The following VNN1 variants were observed in gnomAD, a reference collection of about 807,000 sequenced individuals.
VNN1 encodes the protein vanin 1.
VNN1 carries 29 observed loss-of-function variants against 41.9 expected under a neutral mutation model. The observed-to-expected ratio is 0.69, with a 90% CI of 0.52 to 0.94. The LOEUF is 0.94. Among genes scored for constraint, VNN1 ranks in the 40% least tolerant of loss-of-function variants. VNN1 has a pLI of 0.00. For synonymous variants in VNN1, 233 were observed against 224.4 expected (o/e 1.04, Z -0.34); for missense variants, 637 against 621.1 (o/e 1.03, Z -0.27).
chr6:132,685,393 G>A (rs952488713), intron 5 of VNN1, among the ~76,000 whole-genome samples: 3 of 152,202 alleles, frequency 2.0e-5, no homozygotes, highest in African/African-American at 7.2e-5. Flanking sequence ...TTTGCAGGTG[G>A]AAAGTAATCA....
At position 132,685,111 on chromosome 6, in the gene VNN1, G is replaced by A. The variant is rs1582766453; in HGVS notation, c.1189-606C>T. 2.6e-5 allele frequency among the ~76,000 whole-genome samples: 4 copies of A among 152,326 alleles called. No individual in the cohort carries two copies. In the South Asian group the frequency reaches 8.3e-4, roughly 32 times the overall value. On this transcript the variant is annotated intron_variant, in intron 5 of 6. Coordinates refer to ENST00000367928, the MANE Select transcript of VNN1 (RefSeq NM_004666.3). ...CTTCAGAGTTGTAATGAGCCCTAGA[G>A]TTGACCTAGAGGCAACCCCTGTAAT...
At chr6:132,686,790 AG>A (rs1160186682) in intron 5 of VNN1, among the ~76,000 whole-genome samples, 1 of 152,184 alleles carries the variant, frequency 6.6e-6, no homozygotes, top group Admixed American at 6.5e-5. Flanking sequence ...TGAAGGAAGC[AG>A]GGGGGAGGAG....
intron 2 of VNN1, among the ~76,000 whole-genome samples, chr6:132,700,920 A>G (rs1778441040): frequency 6.6e-6 from 1 of 152,332 alleles, no homozygotes; most frequent in East Asian, 1.9e-4. Flanking sequence ...TATAGATTCC[A>G]TAATGGTATA....
chr6:132,697,067 T>G (rs1247000391), intron 2 of VNN1, among the ~76,000 whole-genome samples: 1 of 151,702 alleles, frequency 6.6e-6, no homozygotes, highest in Non-Finnish European at 1.5e-5. Flanking sequence ...ATTGCGCCCC[T>G]GCACTCCAGC....
At chr6:132,689,230 A>G (rs1488734397) in intron 5 of VNN1, among the ~76,000 whole-genome samples, 5 of 152,058 alleles carry the variant, frequency 3.3e-5, no homozygotes, top group South Asian at 2.1e-4. Context: ...TCTTTCTCTT[A>G]GACCTACAAA....
At chr6:132,711,541 C>T (rs1020324701) in intron 2 of VNN1, among the ~76,000 whole-genome samples, 168 bp downstream of exon 2, 1 of 152,176 alleles carries the variant, frequency 6.6e-6, no homozygotes, top group East Asian at 1.9e-4. Flanking sequence ...TCTGTGACTT[C>T]ATAATTCATA....
chr6:132,686,267 G>A (rs1164049125), intron 5 of VNN1, among the ~76,000 whole-genome samples: 7 of 152,056 alleles, frequency 4.6e-5, no homozygotes, highest in African/African-American at 1.7e-4. Flanking sequence ...GCCAACATGG[G>A]GAAACCCCAT....
At chr6:132,712,725 G>C in intron 1 of VNN1, among the ~76,000 whole-genome samples, 1 of 152,134 alleles carries the variant, frequency 6.6e-6, no homozygotes. Flanking sequence ...GAGCTAACCT[G>C]GGCACCTTCC....
intron 2 of VNN1, among the ~76,000 whole-genome samples, chr6:132,708,715 T>C (rs939129609): frequency 6.6e-6 from 1 of 152,194 alleles, no homozygotes; most frequent in Non-Finnish European, 1.5e-5. Flanking sequence ...CCTAAACTTC[T>C]ACCATTTCTT....
chr6:132,700,516 C>T (rs538218049), intron 2 of VNN1, among the ~76,000 whole-genome samples: 9 of 152,238 alleles, frequency 5.9e-5, no homozygotes, highest in African/African-American at 2.2e-4. Context: ...TGGCTATCCC[C>T]ACTGCTTCCC....
At chr6:132,684,608 A>G in intron 5 of VNN1, 103 bp from the exon 6 acceptor site, 1 of 1,015,704 alleles carries the variant, frequency 9.8e-7, no homozygotes, top group East Asian at 2.6e-5. Context: ...TCAAAACGTC[A>G]CATCATACAC....
intron 2 of VNN1, chr6:132,698,801 C>T (rs571140985): frequency 1.0e-4 from 23 of 219,426 alleles, no homozygotes; most frequent in Middle Eastern, 2.6e-3. Flanking sequence ...GGTACTGAAA[C>T]CTGACTGTCA....
In VNN1 at chr6:132,686,035, A is replaced by G. The variant is rs1778202396; in HGVS notation, c.1189-1530T>C. On this transcript the variant is annotated intron_variant, in intron 5 of 6. Transcript: ENST00000367928. ...TTTATCTTTCAGGAATAGGGTTGCCAGGTAAAACACAGGACAAGACTCCCA... is the reference window on the plus strand; with the variant it reads ...TTTATCTTTCAGGAATAGGGTTGCCGGGTAAAACACAGGACAAGACTCCCA... Among the ~76,000 whole-genome samples, 2 of 152,152 alleles carry G rather than the reference A, an allele frequency of 1.3e-5. 1 individual carries two copies. Among genetic ancestry groups the G allele is most frequent in the South Asian group, 4.1e-4 (2 of 4,824 alleles).
rs112723199 is a variant in VNN1, at chr6:132,693,198, C to T, written c.652G>A (p.Asp218Asn). 1 of 1,614,112 alleles carries T rather than the reference C, an allele frequency of 6.2e-7. No individual in the cohort carries two copies. Among genetic ancestry groups the T allele is most frequent in the East Asian group, 2.2e-5 (1 of 44,866 alleles). ...IFTCFDILFH[D>N]PAVTLVKDFH... ...TCTTTCACCAAGGTAACAGCAGGAT[C>T]ATGGAAGAGTATATCAAAGCATGTG... The change falls in exon 4 of 7, where the codon GAT (aspartate) becomes AAT (asparagine). Residue 218 changes from aspartate (D) to asparagine (N), a missense_variant. Asp to Asn is a conservative substitution (Grantham distance 23). Coordinates refer to ENST00000367928, the MANE Select transcript of VNN1 (RefSeq NM_004666.3).
chr6:132,689,165 C>T lies in VNN1; in HGVS notation c.1188+3058G>A, dbSNP rs140798634. ...CCTCCCAAAGTGCTGGGATTACAGG[C>T]CACTGCACTGGACCTGATTCCTCTC... On this transcript the variant is annotated intron_variant, in intron 5 of 6. Transcript: ENST00000367928. Among the ~76,000 whole-genome samples the T allele has an allele frequency of 1.1e-3, 167 of 152,238 alleles. 2 individuals carry two copies. Among genetic ancestry groups the T allele is most frequent in the African/African-American group, 3.8e-3 (159 of 41,548 alleles).
At chr6:132,709,581 T>C (rs1778567993) in intron 2 of VNN1, among the ~76,000 whole-genome samples, 1 of 151,900 alleles carries the variant, frequency 6.6e-6, no homozygotes, top group African/African-American at 2.4e-5. Context: ...CAAGAATTGC[T>C]TGGACCTGGG....
Position 132,692,545 on chromosome 6 carries a change from T to C in VNN1, c.866A>G (p.His289Arg). The change falls in exon 5 of 7, where the codon CAT becomes CGT. Residue 289 changes from histidine (H) to arginine (R), a missense_variant. Physicochemically the swap from His to Arg is conservative, Grantham distance 29 (BLOSUM62 0). Coordinates refer to ENST00000367928, the MANE Select transcript of VNN1 (RefSeq NM_004666.3). ...TCCCTCTTCTGTCTTCATATCATAA[T>C]GAAATGCTCTTGAAGAATTGGGTGC... The part of the protein sequence containing the change: ...IYAPNSSRAF[H>R]YDMKTEEGKL... 1 of 1,602,484 alleles carries C rather than the reference T, an allele frequency of 6.2e-7. No homozygotes were observed.
chr6:132,711,523 C>T (rs1778599146), intron 2 of VNN1, among the ~76,000 whole-genome samples, 186 bp downstream of exon 2: 1 of 152,198 alleles, frequency 6.6e-6, no homozygotes, highest in African/African-American at 2.4e-5. Flanking sequence ...TACTTTCTAG[C>T]TCTGACTTCT....
At chr6:132,685,373 T>G (rs1379949418) in intron 5 of VNN1, among the ~76,000 whole-genome samples, 1 of 152,210 alleles carries the variant, frequency 6.6e-6, no homozygotes, top group African/African-American at 2.4e-5. Context: ...ACTGGTCTTA[T>G]TGTTTCCACT....
Sources: allele counts gnomAD v4.1 joint callset (sites outside exome capture counted in the v4.1 genomes callset), GRCh38; gene constraint gnomAD v4.1.1; transcripts MANE v1.5; gene names NCBI Gene and HGNC (gene_info 2026-07-23, HGNC 2026-07-21).